FMO2: variants seen among roughly 807,000 people sequenced by gnomAD.
The protein encoded by FMO2 is flavin containing dimethylaniline monoxygenase 2.
In FMO2, 33 loss-of-function variants were observed where a neutral mutation model predicts 41.6. That is an observed-to-expected ratio of 0.79 (90% confidence interval 0.60 to 1.06). FMO2 has a LOEUF of 1.06. Ranked by LOEUF, FMO2 falls within the 50% of genes least tolerant of loss-of-function variation. The pLI is 0.00. For synonymous variants in FMO2, 214 were observed against 219.6 expected (o/e 0.97, Z 0.23); for missense variants, 619 against 632.9 (o/e 0.98, Z 0.23).
intron 8 of FMO2, among the ~76,000 whole-genome samples, chr1:171,208,555 A>G (rs990335955): frequency 6.6e-6 from 1 of 152,172 alleles, no homozygotes; most frequent in African/African-American, 2.4e-5. Flanking sequence ...AACAATGGTT[A>G]CCAATCTTGT....
At chr1:171,188,620 T>C (rs1479393470) in intron 2 of FMO2, among the ~76,000 whole-genome samples, 1 of 152,328 alleles carries the variant, frequency 6.6e-6, no homozygotes, top group East Asian at 1.9e-4. Flanking sequence ...CCAAGAAGGA[T>C]GCTGGGAGCC....
chr1:171,200,686 C>G (rs994769987), intron 5 of FMO2, among the ~76,000 whole-genome samples: 2 of 152,286 alleles, frequency 1.3e-5, no homozygotes. Context: ...GAGCAGGTCA[C>G]TAACACCGGA....
Position 171,193,357 on chromosome 1 carries a change from C to T in FMO2, c.155C>T (p.Ala52Val). ...CAGGAGAATGTGGAAGATGGCCGAG[C>T]AAGTATCTATCAATCTGTCGTTACC... ...RFKENVEDGR[A>V]SIYQSVVTNT... Residue 52 changes from alanine (A) to valine (V), a missense_variant, in exon 3 of 9, where the codon GCA becomes GTA. By Grantham distance (64) the Ala-to-Val change is moderately conservative. Transcript: ENST00000209929. The T allele has an allele frequency of 1.2e-6, 2 of 1,605,930 alleles. No individual in the cohort carries two copies. Among genetic ancestry groups the T allele is most frequent in the Non-Finnish European group, 1.7e-6 (2 of 1,175,854 alleles).
At chr1:171,186,593 G>C (rs1360458304) in intron 2 of FMO2, among the ~76,000 whole-genome samples, 2 of 152,134 alleles carry the variant, frequency 1.3e-5, no homozygotes, top group Non-Finnish European at 2.9e-5. Flanking sequence ...TCACTATCAT[G>C]AGAACAGCAT....
chr1:171,198,101 C>A (rs1658373551), intron 4 of FMO2, among the ~76,000 whole-genome samples: 1 of 152,148 alleles, frequency 6.6e-6, no homozygotes. Context: ...ACTTTGAGAA[C>A]CAATAATCTA....
chr1:171,191,556 C>T (rs536187655), intron 2 of FMO2, among the ~76,000 whole-genome samples: 1 of 152,216 alleles, frequency 6.6e-6, no homozygotes, highest in South Asian at 2.1e-4. Flanking sequence ...AGCCTTGAAA[C>T]AATTGTTGCA....
Position 171,205,287 on chromosome 1 carries a change from T to C in FMO2, c.836T>C (p.Met279Thr), listed in dbSNP as rs781403121. The change falls in exon 7 of 9, where the codon ATG becomes ACG. Residue 279 changes from methionine (M) to threonine (T), a missense_variant. Physicochemically the swap from Met to Thr is moderately conservative, Grantham distance 81 (BLOSUM62 -1). Coordinates refer to ENST00000209929, the MANE Select transcript of FMO2 (RefSeq NM_001460.5). ...TCTTCTGTATGTCTCAGATACATTA[T>C]GAAGGAACCTGTACTAAATGATGAT... is the stretch of plus-strand genomic sequence containing the variant. Reference protein sequence around the residue: ...YGLEPQNKYIMKEPVLNDDVP... With the variant: ...YGLEPQNKYITKEPVLNDDVP... 23 of 1,598,546 alleles carry C rather than the reference T, an allele frequency of 1.4e-5. No individual in the cohort carries two copies. Among genetic ancestry groups the C allele is most frequent in the Non-Finnish European group, 2.0e-5 (23 of 1,168,568 alleles).
chr1:171,204,285 A>G (rs1276804802), intron 6 of FMO2, among the ~76,000 whole-genome samples: 1 of 152,182 alleles, frequency 6.6e-6, no homozygotes, highest in Non-Finnish European at 1.5e-5. Flanking sequence ...GCTGCTCCAG[A>G]AAGCAAAACT....
At chr1:171,207,353 A>C (rs1369925751) in intron 7 of FMO2, among the ~76,000 whole-genome samples, 1 of 152,132 alleles carries the variant, frequency 6.6e-6, no homozygotes, top group Non-Finnish European at 1.5e-5. Flanking sequence ...GATCTTTCCA[A>C]AAAATAAATC....
At chr1:171,207,290 A>G (rs999192653) in intron 7 of FMO2, among the ~76,000 whole-genome samples, 6 of 152,150 alleles carry the variant, frequency 3.9e-5, no homozygotes, top group Non-Finnish European at 8.8e-5. Flanking sequence ...TGGTCTCCCC[A>G]GCTTTGGGCT....
intron 5 of FMO2, among the ~76,000 whole-genome samples, chr1:171,201,223 T>C (rs1557981095): frequency 6.6e-6 from 1 of 152,170 alleles, no homozygotes; most frequent in African/African-American, 2.4e-5. Context: ...GTACTTCACT[T>C]TGAGGTCAAT....
chr1:171,203,709 C>T (rs1658631912), intron 5 of FMO2, among the ~76,000 whole-genome samples, 156 bp from the exon 6 acceptor site: 1 of 152,102 alleles, frequency 6.6e-6, no homozygotes, highest in East Asian at 1.9e-4. Context: ...CACTGGGTAC[C>T]CCTATTTAGG....
chr1:171,185,766 T>C lies in FMO2; in HGVS notation c.53T>C (p.Leu18Pro). The C allele has an allele frequency of 6.2e-7, 1 of 1,613,892 alleles. No homozygotes were observed. The highest frequency in any genetic ancestry group is 8.5e-7 in the Non-Finnish European group (1 of 1,179,800). ...IGAGVSGLIS[L>P]KCCVDEGLEP... is the part of the protein sequence containing the mutation. ...GCTGGGGTCAGTGGCCTAATTTCTC[T>C]GAAGTGCTGTGTGGATGAGGGACTT... Residue 18 changes from leucine to proline, a missense_variant, in exon 2 of 9, where the codon CTG becomes CCG. By Grantham distance (98) the Leu-to-Pro change is moderately conservative. Coordinates refer to ENST00000209929, the MANE Select transcript of FMO2 (RefSeq NM_001460.5).
intron 2 of FMO2, among the ~76,000 whole-genome samples, chr1:171,191,292 T>C (rs1185462903): frequency 6.6e-6 from 1 of 152,190 alleles, no homozygotes; most frequent in Admixed American, 6.5e-5. Flanking sequence ...TCAAATCAGT[T>C]CTTCTCATCA....
In FMO2 at chr1:171,193,525, T is replaced by TTCCTGAC; in HGVS notation, c.321+2_321+3insTCCTGAC. On this transcript the variant is annotated splice_region_variant and intron_variant, in intron 3 of 8. Coordinates refer to ENST00000209929, the MANE Select transcript of FMO2 (RefSeq NM_001460.5). ...CTGCTAAAATATATTCAGTTCCAGG[T>TTCCTGAC]ATTGTATTTTTGGGGAAATGGGTTT... 2 of 1,581,562 alleles carry TTCCTGAC rather than the reference T, an allele frequency of 1.3e-6. No homozygotes were observed. Among genetic ancestry groups the TTCCTGAC allele is most frequent in the Non-Finnish European group, 1.7e-6 (2 of 1,155,298 alleles).
At chr1:171,186,770 T>G (rs1657870741) in intron 2 of FMO2, among the ~76,000 whole-genome samples, 1 of 152,204 alleles carries the variant, frequency 6.6e-6, no homozygotes, top group South Asian at 2.1e-4. Flanking sequence ...GTTGCATAGA[T>G]AGCTATAAGG....
Position 171,211,907 on chromosome 1 carries a change from T to C in FMO2, c.*2762T>C, listed in dbSNP as rs572087115. ...CAGTTTTCATAAGCTCCCCAGATGA[T>C]TCCTGTGTACATTAAATCTAGAAAC... On this transcript the variant is annotated 3_prime_UTR_variant, in exon 9 of 9. Coordinates refer to ENST00000209929, the MANE Select transcript of FMO2 (RefSeq NM_001460.5). Among the ~76,000 whole-genome samples, 1 of 152,326 alleles carries C rather than the reference T, an allele frequency of 6.6e-6. No individual in the cohort carries two copies. The highest frequency in any genetic ancestry group is 2.4e-5 in the African/African-American group (1 of 41,576).
Position 171,199,418 on chromosome 1 carries a change from G to A in FMO2, c.557G>A (p.Arg186His), listed in dbSNP as rs141533648. The A allele has an allele frequency of 3.0e-5, 48 of 1,612,260 alleles. No homozygotes were observed. In the African/African-American group the frequency reaches 4.0e-4, roughly 13 times the overall value. ...CATCCAGATGGATTTGAGGGAAAAC[G>A]CATCCTGGTGATTGGAATGGGAAAC... Reference protein sequence around the residue: ...YKHPDGFEGKRILVIGMGNSG... With the variant: ...YKHPDGFEGKHILVIGMGNSG... Residue 186 changes from arginine to histidine, a missense_variant, in exon 5 of 9, where the codon CGC (arginine) becomes CAC (histidine). By Grantham distance (29) the Arg-to-His change is conservative. Coordinates refer to ENST00000209929, the MANE Select transcript of FMO2 (RefSeq NM_001460.5).
Position 171,193,478 on chromosome 1 carries a change from G to A in FMO2, c.276G>A (p.Arg92=). ...ATTCTAAACTTCTGGAATATTTCAG[G>A]ATTTTTGCTAAAAAATTTGATCTGC... ...LHNSKLLEYF[R]IFAKKFDLLK... The change falls in exon 3 of 9, where the codon AGG becomes AGA. Residue 92 remains arginine, a synonymous_variant. Transcript: ENST00000209929. 1.2e-6 allele frequency: 2 copies of A among 1,611,856 alleles called. No homozygotes were observed. The highest frequency in any genetic ancestry group is 1.1e-5 in the South Asian group (1 of 90,752).
Sources: allele counts gnomAD v4.1 joint callset (sites outside exome capture counted in the v4.1 genomes callset), GRCh38; gene constraint gnomAD v4.1.1; transcripts MANE v1.5; gene names NCBI Gene and HGNC (gene_info 2026-07-23, HGNC 2026-07-21).